The following ETV6 variants were observed in gnomAD, a reference collection of about 807,000 sequenced individuals.
The protein encoded by ETV6 is transcription factor ETV6.
ETV6 carries 16 observed loss-of-function variants against 51.1 expected under a neutral mutation model. That is an observed-to-expected ratio of 0.31 (90% confidence interval 0.21 to 0.48). The LOEUF (loss-of-function observed/expected upper bound fraction) is 0.48, where lower values mean the gene tolerates loss of function less well. Among genes scored for constraint, ETV6 ranks in the 20% least tolerant of loss-of-function variants. The pLI, the probability that ETV6 is intolerant of heterozygous loss-of-function variation, is 0.99. For synonymous variants in ETV6, 240 were observed against 224.1 expected (o/e 1.07, Z -0.64); for missense variants, 458 against 594.8 (o/e 0.77, Z 2.39).
At chr12:11,751,979 A>G (rs758619157) in intron 1 of ETV6, 9 of 349,116 alleles carry the variant, frequency 2.6e-5, no homozygotes, top group Non-Finnish European at 5.1e-5. Flanking sequence ...TTACTTGATC[A>G]GCTCACTATG....
At chr12:11,819,825 T>C (rs946590675) in intron 2 of ETV6, among the ~76,000 whole-genome samples, 7 of 152,248 alleles carry the variant, frequency 4.6e-5, no homozygotes, top group Non-Finnish European at 7.3e-5. Flanking sequence ...ACTGGCCGCC[T>C]TGTACCAGTC....
chr12:11,872,657 C>T (rs549082967), intron 5 of ETV6, among the ~76,000 whole-genome samples: 17 of 151,892 alleles, frequency 1.1e-4, no homozygotes, highest in Non-Finnish European at 2.2e-4. Flanking sequence ...CCATGCCTGG[C>T]GAATTTTTTT....
intron 2 of ETV6, among the ~76,000 whole-genome samples, chr12:11,828,405 C>T (rs1440929570): frequency 6.6e-6 from 1 of 152,088 alleles, no homozygotes. Flanking sequence ...TTCATTGTAC[C>T]CCCACTTCTA....
intron 7 of ETV6, among the ~76,000 whole-genome samples, chr12:11,890,632 C>G (rs1178174190): frequency 6.6e-6 from 1 of 151,782 alleles, no homozygotes; most frequent in African/African-American, 2.4e-5. Context: ...GCTATGTTGC[C>G]CAAGCTGGTC....
At position 11,672,808 on chromosome 12, in the gene ETV6, A is replaced by G. The variant is rs189472804; in HGVS notation, c.33+22648A>G. Among the ~76,000 whole-genome samples the G allele has an allele frequency of 6.0e-3, 911 of 152,306 alleles. 23 individuals are homozygous for G. The highest frequency in any genetic ancestry group is 0.038 in the Admixed American group (579 of 15,296). ...GGACCACTTGGCAGTATTGAACTTC[A>G]AAGTGGAAGTAAGATCCCCTTGGGG... On this transcript the variant is annotated intron_variant, in intron 1 of 7. Transcript: ENST00000396373.
chr12:11,800,962 T>G (rs1197054176), intron 2 of ETV6, among the ~76,000 whole-genome samples: 3 of 152,202 alleles, frequency 2.0e-5, no homozygotes, highest in Non-Finnish European at 2.9e-5. Context: ...GCAAACATTT[T>G]CTGAGACTTT....
intron 2 of ETV6, among the ~76,000 whole-genome samples, chr12:11,802,108 G>T (rs1211073025): frequency 6.6e-6 from 1 of 152,206 alleles, no homozygotes; most frequent in Non-Finnish European, 1.5e-5. Context: ...TGTTGGTTAG[G>T]CCACTGCCGG....
intron 2 of ETV6, among the ~76,000 whole-genome samples, chr12:11,777,820 A>G (rs1945353111): frequency 6.6e-6 from 1 of 151,928 alleles, no homozygotes; most frequent in Admixed American, 6.6e-5. Flanking sequence ...CCCCAGTTTA[A>G]GCCATTTATT....
intron 2 of ETV6, 148 bp downstream of exon 2, chr12:11,752,727 A>T: frequency 4.2e-6 from 4 of 944,154 alleles, no homozygotes; most frequent in Admixed American, 3.0e-5. Flanking sequence ...ACACCCCCCT[A>T]CCCCCAGATA....
At chr12:11,840,422 A>G (rs1946372435) in intron 3 of ETV6, 3 of 455,956 alleles carry the variant, frequency 6.6e-6, no homozygotes, top group African/African-American at 2.0e-5. Flanking sequence ...TTAATTACTG[A>G]AGTACTCAAG....
At chr12:11,735,583 CGAT>C (rs748490340) in intron 1 of ETV6, among the ~76,000 whole-genome samples, 3 of 151,966 alleles carry the variant, frequency 2.0e-5, no homozygotes, top group Non-Finnish European at 4.4e-5. Flanking sequence ...TTGTCACTTA[CGAT>C]GATGATGATG....
chr12:11,851,601 T>G (rs779926058), intron 3 of ETV6, among the ~76,000 whole-genome samples: 14 of 152,202 alleles, frequency 9.2e-5, no homozygotes, highest in Non-Finnish European at 1.5e-4. Flanking sequence ...GTTTCAAAAG[T>G]CTGGTCCAGG....
intron 1 of ETV6, among the ~76,000 whole-genome samples, chr12:11,737,797 C>T (rs949028295): frequency 1.3e-5 from 2 of 152,184 alleles, no homozygotes; most frequent in Admixed American, 6.5e-5. Flanking sequence ...CTCAGGGCCT[C>T]ATCAGTCAGT....
rs557771887 is a variant in ETV6 at position 11,892,152 on chromosome 12, A to C, written c.*1106A>C. On this transcript the variant is annotated 3_prime_UTR_variant, in exon 8 of 8. Coordinates refer to ENST00000396373, the MANE Select transcript of ETV6 (RefSeq NM_001987.5). Reference sequence around the variant, plus strand: ...GTAACAGAGGCTAGTGAGAAAGAAAAGCTCCTCTCTGCTCCATTCCAAAGG... The same window carrying C: ...GTAACAGAGGCTAGTGAGAAAGAAACGCTCCTCTCTGCTCCATTCCAAAGG... 4.3e-6 allele frequency: 1 copy of C among 232,356 alleles called. No individual in the cohort carries two copies. Among genetic ancestry groups the C allele is most frequent in the African/African-American group, 2.2e-5 (1 of 44,932 alleles). The allele number at this position is 232,356 out of a possible 1,614,324, so 14.4% of individuals were successfully genotyped here.
intron 1 of ETV6, among the ~76,000 whole-genome samples, chr12:11,685,817 T>A (rs952086662): frequency 1.3e-5 from 2 of 152,218 alleles, no homozygotes; most frequent in Non-Finnish European, 2.9e-5. Context: ...CTTTTTCTTC[T>A]CAGCCATTAA....
intron 1 of ETV6, among the ~76,000 whole-genome samples, chr12:11,716,187 C>T (rs552534550): frequency 4.0e-5 from 6 of 151,866 alleles, no homozygotes; most frequent in East Asian, 1.9e-4. Context: ...GAAAATTAGC[C>T]GGGCATGGTG....
At chr12:11,858,972 A>G (rs1565555097) in intron 4 of ETV6, among the ~76,000 whole-genome samples, 2 of 152,034 alleles carry the variant, frequency 1.3e-5, no homozygotes, top group Admixed American at 6.6e-5. Context: ...GGCCCACAGA[A>G]GTTTTATTTA....
intron 2 of ETV6, among the ~76,000 whole-genome samples, chr12:11,802,832 C>A (rs373618336): frequency 6.6e-6 from 1 of 152,206 alleles, no homozygotes; most frequent in African/African-American, 2.4e-5. Flanking sequence ...AGCAGCTCTC[C>A]TGGCCCAGCT....
intron 2 of ETV6, among the ~76,000 whole-genome samples, chr12:11,760,982 C>A (rs1945078734): frequency 6.6e-6 from 1 of 150,858 alleles, no homozygotes; most frequent in Non-Finnish European, 1.5e-5. Context: ...TATATATTAT[C>A]CTGAATAATA....
Sources: gnomAD v4.1 joint callset for allele counts (sites outside exome capture counted in the v4.1 genomes callset) on GRCh38, gnomAD v4.1.1 for gene constraint, MANE v1.5 for transcripts, NCBI Gene and HGNC (gene_info 2026-07-23, HGNC 2026-07-21) for gene names.